Variants in RELN observed in about 807,000 individuals in gnomAD.
RELN encodes the protein reelin.
In RELN, 108 loss-of-function variants were observed where a neutral mutation model predicts 427.6. That is an observed-to-expected ratio of 0.25 (90% CI 0.22 to 0.30). RELN has a LOEUF of 0.30. RELN is among the 10% of genes least tolerant of loss of function. The pLI is 1.00. For missense variants in RELN, 3,715 were observed against 4,302.8 expected (o/e 0.86, Z 3.82); for synonymous variants, 1,524 against 1,513.4 (o/e 1.01, Z -0.16).
chr7:103,640,418 AATATCCAACTTTTTGT>A lies in RELN; in HGVS notation c.2069+109_2069+124del. ...TGAATTACACTTAAGTTCTAATAGAAATATCCAACTTTTTGTCTTAAAAAGATCCCCGATCCTAAAA... is the reference window on the plus strand; with the variant it reads ...TGAATTACACTTAAGTTCTAATAGAACTTAAAAAGATCCCCGATCCTAAAA... On this transcript the variant is annotated intron_variant, in intron 17 of 64. Coordinates refer to ENST00000428762, the MANE Select transcript of RELN (RefSeq NM_005045.4). The surrounding 1 kb of genome is among the most constrained non-coding windows in gnomAD (Gnocchi z 4.1). The A allele has an allele frequency of 1.1e-6, 1 of 892,072 alleles. No individual in the cohort carries two copies. Among genetic ancestry groups the A allele is most frequent in the Non-Finnish European group, 1.8e-6 (1 of 550,032 alleles). The allele number at this position is 892,072 out of a possible 1,614,324, so 55.3% of individuals were successfully genotyped here.
At chr7:103,915,533 A>G (rs1190050416) in intron 2 of RELN, among the ~76,000 whole-genome samples, 1 of 152,108 alleles carries the variant, frequency 6.6e-6, no homozygotes, top group Admixed American at 6.6e-5. Flanking sequence ...GAAGTCTACA[A>G]TTCTGCAGTT....
rs796494769 is a variant in RELN, at chr7:103,960,658, G to GA, written c.226+28472dup. Among the ~76,000 whole-genome samples, 16 of 151,900 alleles carry GA rather than the reference G, an allele frequency of 1.1e-4. 1 individual carries two copies. Among genetic ancestry groups the GA allele is most frequent in the Admixed American group, 2.0e-4 (3 of 15,230 alleles). On this transcript the variant is annotated intron_variant, in intron 1 of 64. Coordinates refer to ENST00000428762, the MANE Select transcript of RELN (RefSeq NM_005045.4). ...AAAGCAGGATTAGAGCAAATGCTAA[G>GA]AAAAAAAATTGTTTATATTAAAGAT... is the stretch of plus-strand genomic sequence containing the variant.
chr7:103,729,932 A>C (rs1020729089), intron 6 of RELN, among the ~76,000 whole-genome samples: 1 of 151,522 alleles, frequency 6.6e-6, no homozygotes, highest in East Asian at 1.9e-4. Context: ...TTTTCCATAG[A>C]GACTGTATTA....
Position 103,594,367 on chromosome 7 carries a change from T to A in RELN, c.3665A>T (p.Glu1222Val), listed in dbSNP as rs2117250095. 6.2e-7 allele frequency: 1 copy of A among 1,614,052 alleles called. No homozygotes were observed. The highest frequency in any genetic ancestry group is 8.5e-7 in the Non-Finnish European group (1 of 1,179,928). Residue 1222 changes from glutamate (E) to valine (V), a missense_variant, in exon 26 of 65, where the codon GAG (glutamate) becomes GTG (valine). Physicochemically the swap from Glu to Val is moderately radical, Grantham distance 121 (BLOSUM62 -2). Around this residue, in one of 4 missense-constraint regions of RELN, gnomAD observed 2,208 missense variants for 2,361.7 expected, o/e 0.93. Transcript: ENST00000428762. Reference protein sequence around the residue: ...WAVDDIIILSEKQKQIIPVIN... With the variant: ...WAVDDIIILSVKQKQIIPVIN... The stretch of plus-strand genomic sequence containing the variant: ...AACTGGGATGATCTGCTTCTGCTTC[T>A]CGGACAGAATGATGATGTCATCGAC...
At chr7:103,917,273 C>A (rs758764899) in intron 1 of RELN, 88 bp from the exon 2 acceptor site, 59 of 1,010,492 alleles carry the variant, frequency 5.8e-5, no homozygotes, top group Non-Finnish European at 8.3e-5. Flanking sequence ...TCAAAACAAT[C>A]TTTACTCATT....
At chr7:103,512,414 A>G (rs967475063) in intron 50 of RELN, among the ~76,000 whole-genome samples, 9 of 152,198 alleles carry the variant, frequency 5.9e-5, no homozygotes, top group African/African-American at 2.2e-4. Flanking sequence ...TTATTTATGT[A>G]TGGATATTCA....
At chr7:103,979,584 G>A (rs539214910) in intron 1 of RELN, among the ~76,000 whole-genome samples, 5 of 152,320 alleles carry the variant, frequency 3.3e-5, no homozygotes, top group African/African-American at 9.6e-5. Flanking sequence ...ATCCCATTGG[G>A]TTTATATCAC....
intron 36 of RELN, 127 bp from the exon 37 acceptor site, chr7:103,558,176 G>C (rs1257415693): frequency 3.1e-6 from 2 of 640,470 alleles, no homozygotes; most frequent in African/African-American, 3.7e-5. Context: ...AGCAAATTTT[G>C]CCTAGTTTAA....
intron 3 of RELN, among the ~76,000 whole-genome samples, chr7:103,783,865 T>C (rs1375810708): frequency 6.6e-6 from 1 of 152,204 alleles, no homozygotes; most frequent in Admixed American, 6.5e-5. Context: ...CAGCCACATG[T>C]AGTATGAACT....
At chr7:103,912,437 G>A (rs1436582635) in intron 2 of RELN, among the ~76,000 whole-genome samples, 1 of 152,030 alleles carries the variant, frequency 6.6e-6, no homozygotes, top group Admixed American at 6.6e-5. Flanking sequence ...GCCCCACTTG[G>A]CCTCCCAAAG....
chr7:103,603,341 C>T lies in RELN; in HGVS notation c.3296G>A (p.Gly1099Asp). 1.2e-6 allele frequency: 2 copies of T among 1,613,894 alleles called. No homozygotes were observed. Among genetic ancestry groups the T allele is most frequent in the Middle Eastern group, 1.7e-4 (1 of 6,058 alleles). ...CAGAGATGATCCAGAAGAGATGACA[C>T]CACACCCTTGTTCTGGTTTTACAAT... ...GEIVKPEQGC[G>D]VISSGSSLYF... is the part of the protein sequence containing the mutation. The change falls in exon 24 of 65, where the codon GGT becomes GAT. Residue 1099 changes from glycine (G) to aspartate (D), a missense_variant. Physicochemically the swap from Gly to Asp is moderately conservative, Grantham distance 94 (BLOSUM62 -1). Coordinates refer to ENST00000428762, the MANE Select transcript of RELN (RefSeq NM_005045.4). The surrounding 1 kb of genome is among the most constrained non-coding windows in gnomAD (Gnocchi z 4.3).
At chr7:103,729,822 T>C (rs1413733152) in intron 6 of RELN, among the ~76,000 whole-genome samples, 2 of 152,154 alleles carry the variant, frequency 1.3e-5, no homozygotes, top group Non-Finnish European at 2.9e-5. Context: ...GCCTGGCACA[T>C]AGTAGGCATG....
intron 8 of RELN, among the ~76,000 whole-genome samples, chr7:103,702,259 CA>C (rs780154817): frequency 2.0e-5 from 3 of 152,158 alleles, no homozygotes; most frequent in Non-Finnish European, 4.4e-5. Context: ...TTATGTAGGA[CA>C]AACTTCAATA....
At chr7:103,916,895 C>G (rs530678892) in intron 2 of RELN, among the ~76,000 whole-genome samples, 180 bp downstream of exon 2, 28 of 152,240 alleles carry the variant, frequency 1.8e-4, no homozygotes, top group Non-Finnish European at 1.5e-5. Flanking sequence ...GTTAGCTGCA[C>G]ATTTACATGA....
intron 51 of RELN, among the ~76,000 whole-genome samples, chr7:103,510,032 CTG>C (rs1829353011): frequency 6.6e-6 from 1 of 152,186 alleles, no homozygotes; most frequent in Admixed American, 6.5e-5. Flanking sequence ...CGCTTTTACA[CTG>C]TTGGTGGGAG....
chr7:103,960,815 G>GA (rs1040058597), intron 1 of RELN, among the ~76,000 whole-genome samples: 2 of 152,070 alleles, frequency 1.3e-5, no homozygotes, highest in East Asian at 1.9e-4. Flanking sequence ...CTTATATACA[G>GA]AAAAAAATAC....
At chr7:103,913,818 T>C (rs1022474890) in intron 2 of RELN, among the ~76,000 whole-genome samples, 1 of 152,212 alleles carries the variant, frequency 6.6e-6, no homozygotes, top group Admixed American at 6.5e-5. Context: ...ATTTTACTTT[T>C]AAAGTTATTT....
In RELN at chr7:103,592,480, T is replaced by C. The variant is rs148512037; in HGVS notation, c.3912+1202A>G. The stretch of plus-strand genomic sequence containing the variant: ...GGTCTTTGCTAGTGTCAGTAGTGGT[T>C]TGATGAACATACACATGCATGTGTC... On this transcript the variant is annotated intron_variant, in intron 27 of 64. Transcript: ENST00000428762. 2.1e-3 allele frequency among the ~76,000 whole-genome samples: 320 copies of C among 152,238 alleles called. 1 individual carries two copies. The highest frequency in any genetic ancestry group is 3.9e-3 in the Admixed American group (60 of 15,276).
At chr7:103,930,078 A>C (rs754583726) in intron 1 of RELN, among the ~76,000 whole-genome samples, 9 of 152,218 alleles carry the variant, frequency 5.9e-5, no homozygotes, top group Non-Finnish European at 1.2e-4. Context: ...GCCATAACAA[A>C]GTACCACAGA....
Sources: allele counts gnomAD v4.1 joint callset (sites outside exome capture counted in the v4.1 genomes callset), GRCh38; gene constraint gnomAD v4.1.1; regional missense constraint gnomAD v4.1.1; non-coding constraint Gnocchi (gnomAD v3.1); transcripts MANE v1.5; gene names NCBI Gene and HGNC (gene_info 2026-07-23, HGNC 2026-07-21).